Variants in TOR1AIP1 observed in about 807,000 individuals in gnomAD.
The protein encoded by TOR1AIP1 is torsin 1A interacting protein 1, also known as torsin-1A-interacting protein 1.
Under a neutral mutation model 63.3 loss-of-function variants are expected in TOR1AIP1, and 54 were observed. The ratio of observed to expected loss-of-function variants is 0.85; its 90% confidence interval spans 0.69 to 1.07. TOR1AIP1 has a LOEUF of 1.07. TOR1AIP1 is among the 50% of genes least tolerant of loss of function. The pLI, the probability that TOR1AIP1 is intolerant of heterozygous loss-of-function variation, is 0.00. For synonymous variants in TOR1AIP1, 294 were observed against 273.5 expected (o/e 1.07, Z -0.74); for missense variants, 736 against 715.0 (o/e 1.03, Z -0.33).
chr1:179,883,448 C>G (rs867074576), intron 1 of TOR1AIP1, among the ~76,000 whole-genome samples: 2 of 152,172 alleles, frequency 1.3e-5, no homozygotes, highest in Non-Finnish European at 2.9e-5. Flanking sequence ...CCCAGGTGGG[C>G]AGAGAGGAAG....
chr1:179,883,030 G>T (rs138905212), intron 1 of TOR1AIP1, 53 bp downstream of exon 1: 4 of 1,529,262 alleles, frequency 2.6e-6, no homozygotes, highest in Non-Finnish European at 1.8e-6. Context: ...ACGCGCGGGG[G>T]CGGGCGCGCG....
intron 3 of TOR1AIP1, among the ~76,000 whole-genome samples, chr1:179,896,472 C>T (rs1256809179): frequency 2.5e-5 from 1 of 39,632 alleles, no homozygotes; most frequent in Non-Finnish European, 5.7e-5. Flanking sequence ...CATAAATAGC[C>T]ATTCAGGTTT....
At chr1:179,883,058 C>G in intron 1 of TOR1AIP1, 81 bp downstream of exon 1, 1 of 1,273,968 alleles carries the variant, frequency 7.8e-7, no homozygotes, top group Non-Finnish European at 1.1e-6. Flanking sequence ...GGAGCTCATG[C>G]CCGCCTGGGT....
intron 4 of TOR1AIP1, 68 bp downstream of exon 4, chr1:179,900,235 G>GAT: frequency 8.8e-7 from 1 of 1,136,040 alleles, no homozygotes; most frequent in South Asian, 1.3e-5. Context: ...AAGCCATTCT[G>GAT]ATAGATATTT....
chr1:179,915,376 A>T (rs1648960306), intron 9 of TOR1AIP1, among the ~76,000 whole-genome samples: 1 of 152,232 alleles, frequency 6.6e-6, no homozygotes, highest in Non-Finnish European at 1.5e-5. Flanking sequence ...TCACTGAGGA[A>T]TGCAGATTTT....
intron 4 of TOR1AIP1, chr1:179,900,444 G>A (rs186038215): frequency 1.3e-5 from 3 of 237,972 alleles, no homozygotes; most frequent in African/African-American, 6.7e-5. Context: ...CCTAAAGAGG[G>A]GTGAATCCAT....
rs750432849 is a variant in TOR1AIP1, at chr1:179,882,581, G to A, written c.79G>A (p.Glu27Lys). Reference sequence around the variant, plus strand: ...CGTCACCCCCAGGGCCCCCATCCGAGAGGGAAGGGGCCGGCTCGCCCCTCA... The same window carrying A: ...CGTCACCCCCAGGGCCCCCATCCGAAAGGGAAGGGGCCGGCTCGCCCCTCA... ...VYVTPRAPIR[E>K]GRGRLAPQNG... The change falls in exon 1 of 10, where the codon GAG (glutamate) becomes AAG (lysine). Residue 27 changes from glutamate to lysine, a missense_variant. This residue lies in a region of TOR1AIP1 where 464 missense variants were observed against 371.0 expected (regional missense o/e 1.25). Coordinates refer to ENST00000606911, the MANE Select transcript of TOR1AIP1 (RefSeq NM_015602.4). 3.9e-6 allele frequency: 6 copies of A among 1,520,494 alleles called. No homozygotes were observed. Among genetic ancestry groups the A allele is most frequent in the Admixed American group, 2.3e-5 (1 of 44,192 alleles). 94.2% of individuals were successfully genotyped at this position (1,520,494 alleles called of 1,614,324 possible). A position where few individuals can be genotyped will look rare whatever the true frequency, so the allele number is the denominator to read the frequency against.
In TOR1AIP1 at chr1:179,917,911, C is replaced by T; in HGVS notation, c.1424C>T (p.Ala475Val). ...AATGGATTTAAGAATGGCCAGAATG[C>T]AGCTGTGGTACACCGCTTTGAGTCA... is the stretch of plus-strand genomic sequence containing the variant. ...LSNGFKNGQN[A>V]AVVHRFESFP... The change falls in exon 10 of 10, where the codon GCA (alanine) becomes GTA (valine). Residue 475 changes from alanine to valine, a missense_variant. Physicochemically the swap from Ala to Val is moderately conservative, Grantham distance 64. Coordinates refer to ENST00000606911, the MANE Select transcript of TOR1AIP1 (RefSeq NM_015602.4). The T allele has an allele frequency of 6.2e-7, 1 of 1,614,214 alleles. No individual in the cohort carries two copies. The highest frequency in any genetic ancestry group is 8.5e-7 in the Non-Finnish European group (1 of 1,180,042).
Position 179,882,489 on chromosome 1 carries a change from C to T in TOR1AIP1, c.-14C>T, listed in dbSNP as rs773402647. On this transcript the variant is annotated 5_prime_UTR_variant, in exon 1 of 10. Transcript: ENST00000606911. ...AAGCCATCTTCGCGATCGACTAAAG[C>T]TACGTCAACAACTATGGCGGGCGAC... 4 of 1,454,750 alleles carry T rather than the reference C, an allele frequency of 2.7e-6. No individual in the cohort carries two copies. The East Asian group carries it at 1.0e-4, about 37-fold the overall frequency. 90.1% of individuals were successfully genotyped at this position (1,454,750 alleles called of 1,614,324 possible). A position where few individuals can be genotyped will look rare whatever the true frequency, so the allele number is the denominator to read the frequency against.
At position 179,917,762 on chromosome 1, in the gene TOR1AIP1, G is replaced by A. The variant is rs1649065166; in HGVS notation, c.1275G>A (p.Leu425=). ...ARDAEEALRC[L]SEQIADAYSS... ...ATGCTGAAGAAGCACTTAGGTGTCT[G>A]AGTGAACAAATTGCTGATGCCTATT... The change falls in exon 10 of 10, where the codon CTG becomes CTA. Residue 425 remains leucine, a synonymous_variant. Coordinates refer to ENST00000606911, the MANE Select transcript of TOR1AIP1 (RefSeq NM_015602.4). 2 of 1,614,218 alleles carry A rather than the reference G, an allele frequency of 1.2e-6. No homozygotes were observed. Among genetic ancestry groups the A allele is most frequent in the Non-Finnish European group, 1.7e-6 (2 of 1,180,040 alleles).
rs748463445 is a variant in TOR1AIP1 at position 179,914,045 on chromosome 1, T to C, written c.955T>C (p.Ser319Pro). 3.8e-5 allele frequency: 61 copies of C among 1,613,602 alleles called. No homozygotes were observed. In the East Asian group the frequency reaches 1.4e-3, roughly 36 times the overall value. ...GCTTGGAAACCAGTCACCATCAACC[T>C]CCAGCCGACGTAAGTTTATGTATTC... ...SELGNQSPST[S>P]SRQVTGQPQN... Residue 319 changes from serine to proline, a missense_variant, in exon 9 of 10, where the codon TCC becomes CCC. Ser to Pro is a moderately conservative substitution (Grantham distance 74). This residue lies in a region of TOR1AIP1 where 272 missense variants were observed against 344.1 expected (regional missense o/e 0.79). Coordinates refer to ENST00000606911, the MANE Select transcript of TOR1AIP1 (RefSeq NM_015602.4).
Position 179,913,723 on chromosome 1 carries a change from C to T in TOR1AIP1, c.908-275C>T, listed in dbSNP as rs146085589. On this transcript the variant is annotated intron_variant, in intron 8 of 9. Coordinates refer to ENST00000606911, the MANE Select transcript of TOR1AIP1 (RefSeq NM_015602.4). ...CAATCCCATTAGATACTTAATGGGT[C>T]AAATACTTCCAAACTTTCTCTCAAA... The T allele has an allele frequency of 4.3e-6, 3 of 695,216 alleles. No homozygotes were observed. In the African/African-American group the frequency reaches 5.3e-5, roughly 12 times the overall value. 43.1% of individuals were successfully genotyped at this position (695,216 alleles called of 1,614,324 possible).
At chr1:179,887,270 G>A (rs1558038727) in intron 2 of TOR1AIP1, among the ~76,000 whole-genome samples, 1 of 152,100 alleles carries the variant, frequency 6.6e-6, no homozygotes, top group South Asian at 2.1e-4. Context: ...GTGGTGGTGG[G>A]CACCTGTAAT....
chr1:179,887,527 GA>G (rs1647946291), intron 2 of TOR1AIP1, among the ~76,000 whole-genome samples: 1 of 152,172 alleles, frequency 6.6e-6, no homozygotes, highest in South Asian at 2.1e-4. Flanking sequence ...AATATAGTTT[GA>G]AATCTTCTCA....
rs576474780 is a variant in TOR1AIP1, at chr1:179,917,497, G to A, written c.1010G>A (p.Arg337Gln). The A allele has an allele frequency of 1.4e-5, 22 of 1,613,564 alleles. No individual in the cohort carries two copies. Among genetic ancestry groups the A allele is most frequent in the South Asian group, 4.4e-5 (4 of 91,034 alleles). Residue 337 changes from arginine (R) to glutamine (Q), a missense_variant, in exon 10 of 10, where the codon CGG becomes CAG. Transcript: ENST00000606911. The part of the protein sequence containing the change: ...PQNASFVKRN[R>Q]WWLLPLIAAL... Reference sequence around the variant, plus strand: ...AATGCATCTTTTGTCAAGAGGAACCGGTGGTGGCTACTTCCTCTGATAGCT... The same window carrying A: ...AATGCATCTTTTGTCAAGAGGAACCAGTGGTGGCTACTTCCTCTGATAGCT...
Position 179,912,836 on chromosome 1 carries a change from A to G in TOR1AIP1, c.908-1162A>G, listed in dbSNP as rs1000391342. On this transcript the variant is annotated intron_variant, in intron 8 of 9. Transcript: ENST00000606911. ...GCTATTTCTGAATCTTAGCAGGGCT[A>G]ATATTATTCCTCCAGTTATTCCAGT... Among the ~76,000 whole-genome samples, 21 of 152,214 alleles carry G rather than the reference A, an allele frequency of 1.4e-4. 1 individual carries two copies. Among genetic ancestry groups the G allele is most frequent in the African/African-American group, 5.1e-4 (21 of 41,452 alleles).
rs953014754 is a variant in TOR1AIP1 at position 179,884,720 on chromosome 1, A to C, written c.504A>C (p.Leu168Phe). The C allele has an allele frequency of 6.2e-7, 1 of 1,611,740 alleles. No individual in the cohort carries two copies. Among genetic ancestry groups the C allele is most frequent in the Non-Finnish European group, 8.5e-7 (1 of 1,179,184 alleles). Residue 168 changes from leucine to phenylalanine, a missense_variant, in exon 2 of 10, where the codon TTA becomes TTC. Around this residue, in one of 2 missense-constraint regions of TOR1AIP1, gnomAD observed 464 missense variants for 371.0 expected, o/e 1.25. Coordinates refer to ENST00000606911, the MANE Select transcript of TOR1AIP1 (RefSeq NM_015602.4). ...ATGAAGCATCTTCCCAAACTGATTT[A>C]AGCCAAACGATCTCAAAGAAAACTG... ...EEDEASSQTD[L>F]SQTISKKTVR...
intron 5 of TOR1AIP1, among the ~76,000 whole-genome samples, chr1:179,903,504 T>C (rs971292253): frequency 2.0e-5 from 3 of 152,010 alleles, no homozygotes; most frequent in African/African-American, 7.3e-5. Flanking sequence ...TTAGAAACTT[T>C]TTTAACCTTT....
chr1:179,885,331 A>G (rs888622933), intron 2 of TOR1AIP1, among the ~76,000 whole-genome samples: 1 of 152,260 alleles, frequency 6.6e-6, no homozygotes, highest in African/African-American at 2.4e-5. Flanking sequence ...GTAATATGCC[A>G]TAATTATATG....
Sources: allele counts gnomAD v4.1 joint callset (sites outside exome capture counted in the v4.1 genomes callset), GRCh38; gene constraint gnomAD v4.1.1; regional missense constraint gnomAD v4.1.1; transcripts MANE v1.5; gene names NCBI Gene and HGNC (gene_info 2026-07-23, HGNC 2026-07-21).